Variants in CAV1 observed in about 807,000 individuals in gnomAD.
CAV1 encodes caveolin-1.
Under a neutral mutation model 16.5 loss-of-function variants are expected in CAV1, and 10 were observed. That is an observed-to-expected ratio of 0.61 (90% CI 0.37 to 1.03). The LOEUF is 1.03. Among genes scored for constraint, CAV1 ranks in the 50% least tolerant of loss-of-function variants. The pLI is 0.01. For synonymous variants in CAV1, 76 were observed against 85.1 expected (o/e 0.89, Z 0.59); for missense variants, 212 against 232.8 (o/e 0.91, Z 0.58).
intron 2 of CAV1, among the ~76,000 whole-genome samples, chr7:116,547,651 T>C (rs1050939815): frequency 2.6e-5 from 4 of 152,196 alleles, no homozygotes; most frequent in Non-Finnish European, 4.4e-5. Flanking sequence ...GTCACTGACA[T>C]GGAACGATTT....
chr7:116,559,139 T>C lies in CAV1; in HGVS notation c.389T>C (p.Val130Ala), dbSNP rs2116116610. Residue 130 changes from valine to alanine, a missense_variant, in exon 3 of 3, where the codon GTT becomes GCT. Transcript: ENST00000341049. ...AILSFLHIWAVVPCIKSFLIE... is the reference protein window; with the variant it reads ...AILSFLHIWAAVPCIKSFLIE... ...CTCTCTTTCCTGCACATCTGGGCAG[T>C]TGTACCATGCATTAAGAGCTTCCTG... is the stretch of plus-strand genomic sequence containing the variant. The C allele has an allele frequency of 6.2e-7, 1 of 1,613,986 alleles. No homozygotes were observed. Among genetic ancestry groups the C allele is most frequent in the South Asian group, 1.1e-5 (1 of 91,080 alleles).
intron 2 of CAV1, among the ~76,000 whole-genome samples, chr7:116,546,952 A>G (rs992542471): frequency 1.3e-5 from 2 of 152,196 alleles, no homozygotes; most frequent in Non-Finnish European, 2.9e-5. Context: ...CCTATAGGGA[A>G]GGCCTTCCTT....
chr7:116,525,327 G>A, intron 1 of CAV1: 12 of 1,548,232 alleles, frequency 7.8e-6, no homozygotes, highest in African/African-American at 1.4e-5. Context: ...GAGCTAGGAG[G>A]ACACGGAAAA....
chr7:116,531,472 G>A lies in CAV1; in HGVS notation c.195+4783G>A, dbSNP rs1168900024. Among the ~76,000 whole-genome samples, 13 of 152,298 alleles carry A rather than the reference G, an allele frequency of 8.5e-5. No homozygotes were observed. The South Asian group carries it at 2.1e-3, about 24-fold the overall frequency. On this transcript the variant is annotated intron_variant, in intron 2 of 2. Transcript: ENST00000341049. ...TATAGTACAAAGGTTTAATGCCTCC[G>A]TGATCCCTTTCAACTTGAAAGCATT...
At chr7:116,534,670 G>A (rs1584772248) in intron 2 of CAV1, among the ~76,000 whole-genome samples, 1 of 151,600 alleles carries the variant, frequency 6.6e-6, no homozygotes, top group Non-Finnish European at 1.5e-5. Flanking sequence ...AAAGTGCTGG[G>A]ATTACAGGCG....
chr7:116,532,433 C>T (rs756762357), intron 2 of CAV1, among the ~76,000 whole-genome samples: 7 of 152,156 alleles, frequency 4.6e-5, no homozygotes, highest in Non-Finnish European at 7.3e-5. Flanking sequence ...CGCTCACCTG[C>T]GGGGTTGGAC....
intron 2 of CAV1, among the ~76,000 whole-genome samples, chr7:116,546,992 C>A (rs1349926138): frequency 1.3e-5 from 2 of 152,146 alleles, no homozygotes; most frequent in African/African-American, 4.8e-5. Context: ...GGTTTGCTGG[C>A]AATGTTTGGC....
In CAV1 at chr7:116,561,022, G is replaced by A. The variant is rs1389761257; in HGVS notation, c.*1735G>A. ...CTGTAAACTGTGTATTCCAAGACAT[G>A]TCTGTTCTACATAGATGCTTAGTCC... On this transcript the variant is annotated 3_prime_UTR_variant, in exon 3 of 3. Coordinates refer to ENST00000341049, the MANE Select transcript of CAV1 (RefSeq NM_001753.5). 6.6e-6 allele frequency: 1 copy of A among 152,562 alleles called. No individual in the cohort carries two copies. The highest frequency in any genetic ancestry group is 1.5e-5 in the Non-Finnish European group (1 of 68,030). The allele number at this position is 152,562 out of a possible 1,614,324, so 9.5% of individuals were successfully genotyped here. A position where few individuals can be genotyped will look rare whatever the true frequency, so the allele number is the denominator to read the frequency against.
At position 116,560,633 on chromosome 7, in the gene CAV1, T is replaced by C. The variant is rs1794391226; in HGVS notation, c.*1346T>C. The C allele has an allele frequency of 6.6e-6, 1 of 152,628 alleles. No individual in the cohort carries two copies. Among genetic ancestry groups the C allele is most frequent in the South Asian group, 2.1e-4 (1 of 4,834 alleles). 9.5% of individuals were successfully genotyped at this position (152,628 alleles called of 1,614,324 possible). On this transcript the variant is annotated 3_prime_UTR_variant, in exon 3 of 3. Coordinates refer to ENST00000341049, the MANE Select transcript of CAV1 (RefSeq NM_001753.5). The stretch of plus-strand genomic sequence containing the variant: ...TCTTCTGAACTCAAACTGAGGAATT[T>C]CACCTGTAAACCTGAGTCGTACAGA...
intron 2 of CAV1, among the ~76,000 whole-genome samples, chr7:116,534,423 G>A (rs1413013922): frequency 3.1e-5 from 2 of 63,846 alleles, no homozygotes; most frequent in African/African-American, 1.1e-4. Context: ...TTTTTGAGAC[G>A]ATGTCTTGCT....
At chr7:116,527,989 A>G (rs369899461) in intron 2 of CAV1, among the ~76,000 whole-genome samples, 35 of 151,538 alleles carry the variant, frequency 2.3e-4, no homozygotes, top group African/African-American at 7.7e-4. Context: ...CAACAGCAAC[A>G]AAAGTACCTT....
rs1436832244 is a variant in CAV1 at position 116,533,195 on chromosome 7, C to T, written c.195+6506C>T. 2.6e-5 allele frequency among the ~76,000 whole-genome samples: 4 copies of T among 151,934 alleles called. No individual in the cohort carries two copies. In the South Asian group the frequency reaches 8.3e-4, roughly 32 times the overall value. Reference sequence around the variant, plus strand: ...TCTCTATGAAAAATACAAAAATTAGCTGGGTGTGGTAGCGCGTGTTTAATC... The same window carrying T: ...TCTCTATGAAAAATACAAAAATTAGTTGGGTGTGGTAGCGCGTGTTTAATC... On this transcript the variant is annotated intron_variant, in intron 2 of 2. Transcript: ENST00000341049.
Position 116,559,412 on chromosome 7 carries a change from A to C in CAV1, c.*125A>C. 1.4e-6 allele frequency: 1 copy of C among 705,148 alleles called. No individual in the cohort carries two copies. The highest frequency in any genetic ancestry group is 2.7e-5 in the East Asian group (1 of 37,214). The allele number at this position is 705,148 out of a possible 1,614,324, so 43.7% of individuals were successfully genotyped here. A position where few individuals can be genotyped will look rare whatever the true frequency, so the allele number is the denominator to read the frequency against. On this transcript the variant is annotated 3_prime_UTR_variant, in exon 3 of 3. Coordinates refer to ENST00000341049, the MANE Select transcript of CAV1 (RefSeq NM_001753.5). Reference sequence around the variant, plus strand: ...AATTGAATTATCTTGGTTGAAAATAAAAAGATCACTTTCTCAGTTTTCATA... The same window carrying C: ...AATTGAATTATCTTGGTTGAAAATACAAAGATCACTTTCTCAGTTTTCATA...
chr7:116,538,938 TGGG>T (rs1049105151), intron 2 of CAV1, among the ~76,000 whole-genome samples: 2 of 152,032 alleles, frequency 1.3e-5, no homozygotes, highest in Non-Finnish European at 2.9e-5. Context: ...AAGAACAGTA[TGGG>T]GGAACCGCCA....
rs968434079 is a variant in CAV1 at position 116,554,213 on chromosome 7, C to T, written c.196-4733C>T. On this transcript the variant is annotated intron_variant, in intron 2 of 2. Transcript: ENST00000341049. ...TAAATACAAAGACCAATTATTTAGC[C>T]GAGCTTTGTTGGATTCAGTGCATTC... Among the ~76,000 whole-genome samples, 9 of 152,092 alleles carry T rather than the reference C, an allele frequency of 5.9e-5. No individual in the cohort carries two copies. The South Asian group carries it at 8.3e-4, about 14-fold the overall frequency.
intron 2 of CAV1, among the ~76,000 whole-genome samples, chr7:116,555,553 A>G (rs1420047380): frequency 3.0e-5 from 2 of 67,044 alleles, no homozygotes; most frequent in Non-Finnish European, 6.4e-5. Context: ...AGAAAGAAAG[A>G]AAGAAAGAAA....
At chr7:116,558,541 C>A (rs113256804) in intron 2 of CAV1, among the ~76,000 whole-genome samples, 2,217 of 149,472 alleles carry the variant, frequency 0.015, 52 homozygotes, top group African/African-American at 0.052. Context: ...TGATCTCAGG[C>A]GTTCAAGACC....
chr7:116,555,478 G>GGAAGGAAGGAAGGAAGGAAGGAA (rs1562837889), intron 2 of CAV1, among the ~76,000 whole-genome samples: 13 of 7,256 alleles, frequency 1.8e-3, no homozygotes, highest in Non-Finnish European at 2.6e-3. Flanking sequence ...GAAGGAAGGA[G>GGAAGGAAGGAAGGAAGGAAGGAA]GAAAGAAAAG....
intron 2 of CAV1, among the ~76,000 whole-genome samples, chr7:116,538,853 G>A (rs1379662554): frequency 6.6e-6 from 1 of 152,148 alleles, no homozygotes; most frequent in Non-Finnish European, 1.5e-5. Context: ...TGGCAGACAA[G>A]ACAGAATTGA....
Sources: gnomAD v4.1 joint callset for allele counts (sites outside exome capture counted in the v4.1 genomes callset) on GRCh38, gnomAD v4.1.1 for gene constraint, MANE v1.5 for transcripts, NCBI Gene and HGNC (gene_info 2026-07-23, HGNC 2026-07-21) for gene names.